Variants in DNAJC1 observed in about 807,000 individuals in gnomAD.
DNAJC1 encodes DnaJ heat shock protein family (Hsp40) member C1.
Under a neutral mutation model 76.6 loss-of-function variants are expected in DNAJC1, and 58 were observed. The observed-to-expected ratio is 0.76, with a 90% confidence interval of 0.61 to 0.94. DNAJC1 has a LOEUF of 0.94. DNAJC1 is among the 40% of genes least tolerant of loss of function. DNAJC1 has a pLI of 0.00. For synonymous variants in DNAJC1, 258 were observed against 267.9 expected (o/e 0.96, Z 0.36); for missense variants, 689 against 677.3 (o/e 1.02, Z -0.19).
chr10:21,979,725 T>TC (rs1838121920), intron 1 of DNAJC1, among the ~76,000 whole-genome samples: 1 of 151,698 alleles, frequency 6.6e-6, no homozygotes, highest in Non-Finnish European at 1.5e-5. Flanking sequence ...TTTTTTTTTT[T>TC]CACCATGGCT....
chr10:21,873,027 T>A (rs1324561259), intron 8 of DNAJC1, among the ~76,000 whole-genome samples: 2 of 152,184 alleles, frequency 1.3e-5, no homozygotes, highest in African/African-American at 4.8e-5. Flanking sequence ...CCAGACATTG[T>A]ATGGAAAAGC....
intron 1 of DNAJC1, among the ~76,000 whole-genome samples, chr10:21,948,023 A>G (rs188701224): frequency 1.4e-4 from 21 of 152,132 alleles, no homozygotes; most frequent in African/African-American, 5.1e-4. Context: ...CTCTAATGTC[A>G]TGATTCAAAA....
chr10:21,824,887 C>A (rs993279652), intron 8 of DNAJC1, among the ~76,000 whole-genome samples: 2 of 152,108 alleles, frequency 1.3e-5, no homozygotes, highest in African/African-American at 4.8e-5. Context: ...GATTCTCCTG[C>A]CTCAGGCATT....
chr10:21,860,496 G>C (rs1441877165), intron 8 of DNAJC1, among the ~76,000 whole-genome samples: 1 of 151,988 alleles, frequency 6.6e-6, no homozygotes, highest in Non-Finnish European at 1.5e-5. Context: ...TTCGAGACCA[G>C]CCTGACCAAA....
chr10:21,833,550 T>C (rs913951459), intron 8 of DNAJC1, among the ~76,000 whole-genome samples: 3 of 152,188 alleles, frequency 2.0e-5, no homozygotes, highest in African/African-American at 7.2e-5. Context: ...CACGGCTATG[T>C]CATGTATTAG....
intron 6 of DNAJC1, among the ~76,000 whole-genome samples, chr10:21,911,982 T>A (rs1329066354): frequency 6.6e-6 from 1 of 152,294 alleles, no homozygotes; most frequent in Middle Eastern, 3.4e-3. Flanking sequence ...AGGTTAGGTA[T>A]ATTTAATGTA....
intron 8 of DNAJC1, among the ~76,000 whole-genome samples, chr10:21,845,407 C>A (rs547060003): frequency 7.1e-4 from 106 of 149,904 alleles, no homozygotes; most frequent in Non-Finnish European, 1.3e-3. Context: ...CAGGCTGGAG[C>A]ACAGTGGTGT....
intron 9 of DNAJC1, among the ~76,000 whole-genome samples, chr10:21,804,872 G>C (rs1415625646): frequency 6.6e-6 from 1 of 151,910 alleles, no homozygotes; most frequent in Non-Finnish European, 1.5e-5. Context: ...TACAAAACTT[G>C]ACAGTACAGG....
rs188092046 is a variant in DNAJC1 at position 21,835,870 on chromosome 10, A to G, written c.979-29771T>C. ...TCTGATTGGCGTACCTGAAAGTGAC[A>G]GGGAGAATGGAACCAAGTTGGAAAA... On this transcript the variant is annotated intron_variant, in intron 8 of 11. Transcript: ENST00000376980. Among the ~76,000 whole-genome samples the G allele has an allele frequency of 1.9e-3, 286 of 152,330 alleles. 2 individuals carry two copies. Among genetic ancestry groups the G allele is most frequent in the Non-Finnish European group, 3.2e-3 (219 of 68,024 alleles).
chr10:21,773,086 C>G (rs890207300), intron 9 of DNAJC1, among the ~76,000 whole-genome samples: 2 of 152,192 alleles, frequency 1.3e-5, no homozygotes, highest in African/African-American at 2.4e-5. Context: ...ACCTCCGACA[C>G]TGGGGATTAC....
rs867499790 is a variant in DNAJC1, at chr10:21,969,384, C to T, written c.222+33829G>A. On this transcript the variant is annotated intron_variant, in intron 1 of 11. Coordinates refer to ENST00000376980, the MANE Select transcript of DNAJC1 (RefSeq NM_022365.4). ...AATAGGTATAAAAAATAAATTAACT[C>T]ATCATAATTGCAAAGTGGCTTACGA... Among the ~76,000 whole-genome samples, 8 of 152,208 alleles carry T rather than the reference C, an allele frequency of 5.3e-5. 1 individual carries two copies. Among genetic ancestry groups the T allele is most frequent in the Admixed American group, 6.5e-5 (1 of 15,292 alleles).
intron 7 of DNAJC1, among the ~76,000 whole-genome samples, chr10:21,883,044 G>A (rs745607817): frequency 6.6e-6 from 1 of 152,088 alleles, no homozygotes; most frequent in Non-Finnish European, 1.5e-5. Context: ...GAGGCCAGGA[G>A]TTCGAGACCA....
chr10:21,870,245 C>G (rs897163430), intron 8 of DNAJC1, among the ~76,000 whole-genome samples: 1 of 151,972 alleles, frequency 6.6e-6, no homozygotes, highest in African/African-American at 2.4e-5. Flanking sequence ...TAATACTTAA[C>G]AATATTCATT....
intron 6 of DNAJC1, among the ~76,000 whole-genome samples, chr10:21,911,738 A>G (rs1020375736): frequency 5.3e-5 from 8 of 152,178 alleles, no homozygotes; most frequent in Admixed American, 2.6e-4. Context: ...CAACTTTTCC[A>G]TTTTATGATG....
At chr10:21,819,841 A>AATC (rs1329021712) in intron 8 of DNAJC1, among the ~76,000 whole-genome samples, 1 of 152,100 alleles carries the variant, frequency 6.6e-6, no homozygotes. Flanking sequence ...GAGGCAAGAG[A>AATC]ATCGCTTGAG....
intron 8 of DNAJC1, among the ~76,000 whole-genome samples, chr10:21,856,281 A>C (rs926805148): frequency 5.9e-5 from 9 of 152,162 alleles, no homozygotes; most frequent in African/African-American, 1.9e-4. Flanking sequence ...ATTAAAAATT[A>C]AATTATGTAA....
intron 11 of DNAJC1, among the ~76,000 whole-genome samples, chr10:21,758,458 C>T (rs1164144032): frequency 6.6e-6 from 1 of 152,226 alleles, no homozygotes; most frequent in African/African-American, 2.4e-5. Flanking sequence ...CCACAGGGCA[C>T]TCCCGCCCCC....
chr10:21,991,877 T>C (rs1290838273), intron 1 of DNAJC1, among the ~76,000 whole-genome samples: 1 of 152,260 alleles, frequency 6.6e-6, no homozygotes, highest in Non-Finnish European at 1.5e-5. Context: ...GTTAGCTATA[T>C]GCCTTATGAA....
At chr10:21,994,691 TG>T (rs1405957578) in intron 1 of DNAJC1, among the ~76,000 whole-genome samples, 1 of 151,900 alleles carries the variant, frequency 6.6e-6, no homozygotes. Flanking sequence ...CTGGGGAGGC[TG>T]AGGCAGGAGA....
Sources: gnomAD v4.1 joint callset for allele counts (sites outside exome capture counted in the v4.1 genomes callset) on GRCh38, gnomAD v4.1.1 for gene constraint, MANE v1.5 for transcripts, NCBI Gene and HGNC (gene_info 2026-07-23, HGNC 2026-07-21) for gene names.